Variants in ZNF577 observed in about 807,000 individuals in gnomAD.
The protein encoded by ZNF577 is zinc finger protein 577.
A neutral mutation model predicts 13.9 loss-of-function variants in ZNF577; 14 were observed. The observed-to-expected ratio is 1.00, with a 90% CI of 0.66 to 1.57. ZNF577 has a LOEUF of 1.57. Ranked by LOEUF, ZNF577 falls within the 40% of genes most tolerant of loss-of-function variation. ZNF577 has a pLI of 0.00. For synonymous variants in ZNF577, 203 were observed against 202.9 expected (o/e 1.00, Z 0.00); for missense variants, 555 against 579.2 (o/e 0.96, Z 0.43).
chr19:51,816,081 C>A (rs539094823), intron 9 of ZNF577, among the ~76,000 whole-genome samples: 1 of 148,974 alleles, frequency 6.7e-6, no homozygotes, highest in East Asian at 2.0e-4. Context: ...AAAAAAAAAA[C>A]CCTTGAGAAA....
At chr19:51,853,469 CTCTTTT>C (rs1255670498) in intron 5 of ZNF577, among the ~76,000 whole-genome samples, 3 of 152,172 alleles carry the variant, frequency 2.0e-5, no homozygotes, top group Admixed American at 2.0e-4. Context: ...TTTTCTCTTT[CTCTTTT>C]ACCTGCTGGA....
At chr19:51,860,880 T>G (rs1474486965) in intron 5 of ZNF577, 5 of 392,004 alleles carry the variant, frequency 1.3e-5, no homozygotes, top group Non-Finnish European at 2.4e-5. Context: ...CAAAGAGTTT[T>G]GACTTTCAGA....
chr19:51,872,791 A>C lies in ZNF577; in HGVS notation c.1199T>G (p.Met400Arg). ...PSSRSHTSLY[M>R]SELIQEQKTV... Reference sequence around the variant, plus strand: ...CTTTTGCTCTTGTATGAGTTCGCTCATGTATAAGGAGGTATGACTCCTTGA... The same window carrying C: ...CTTTTGCTCTTGTATGAGTTCGCTCCTGTATAAGGAGGTATGACTCCTTGA... Residue 400 changes from methionine to arginine, a missense_variant, in exon 6 of 6, where the codon ATG (methionine) becomes AGG (arginine). Physicochemically the swap from Met to Arg is moderately conservative, Grantham distance 91. Transcript: ENST00000638348. The C allele has an allele frequency of 6.2e-7, 1 of 1,614,220 alleles. No individual in the cohort carries two copies. Among genetic ancestry groups the C allele is most frequent in the Non-Finnish European group, 8.5e-7 (1 of 1,180,042 alleles).
intron 10 of ZNF577, among the ~76,000 whole-genome samples, chr19:51,808,052 T>C (rs1298783754): frequency 6.6e-6 from 1 of 152,248 alleles, no homozygotes; most frequent in Non-Finnish European, 1.5e-5. Context: ...TTTGTGGTTG[T>C]AGCCATGAGG....
At position 51,824,662 on chromosome 19, in the gene ZNF577, T is replaced by C; in HGVS notation, c.*600-12988A>G. 1 of 1,614,156 alleles carries C rather than the reference T, an allele frequency of 6.2e-7. No individual in the cohort carries two copies. Among genetic ancestry groups the C allele is most frequent in the South Asian group, 1.1e-5 (1 of 91,090 alleles). ...CTCAACCCAATTCTCTACGTCTTTA[T>C]GGGTCGTAACTTCCAAGAAAGACTG... On this transcript the variant is annotated intron_variant and NMD_transcript_variant, in intron 9 of 10. Transcript: ENST00000638827. The surrounding 1 kb of genome is among the most constrained non-coding windows in gnomAD (Gnocchi z 4.7).
chr19:51,857,025 G>T (rs6509578), intron 5 of ZNF577, among the ~76,000 whole-genome samples: 57,330 of 151,858 alleles, frequency 0.38, 11,950 homozygotes, highest in African/African-American at 0.55. Flanking sequence ...GGAAAGTCAA[G>T]AGAAATGTGT....
intron 10 of ZNF577, among the ~76,000 whole-genome samples, chr19:51,807,691 G>T (rs1035183395): frequency 6.6e-6 from 1 of 152,224 alleles, no homozygotes; most frequent in African/African-American, 2.4e-5. Flanking sequence ...AAGAATGAAA[G>T]AATGGATTTT....
At chr19:51,829,403 T>G (rs1034820464) in intron 9 of ZNF577, among the ~76,000 whole-genome samples, 6 of 151,692 alleles carry the variant, frequency 4.0e-5, no homozygotes, top group Admixed American at 1.3e-4. Context: ...GATGATTAAA[T>G]ACCAGGTTCC....
chr19:51,821,420 T>C (rs1009147822), intron 9 of ZNF577, among the ~76,000 whole-genome samples: 16 of 152,144 alleles, frequency 1.1e-4, no homozygotes, highest in Non-Finnish European at 2.1e-4. Flanking sequence ...CTAGCATCGG[T>C]GGATAGAGGC....
chr19:51,815,274 A>T (rs1332262929), intron 9 of ZNF577, among the ~76,000 whole-genome samples: 2 of 151,938 alleles, frequency 1.3e-5, no homozygotes, highest in African/African-American at 4.8e-5. Flanking sequence ...TCTATAAAAA[A>T]ATGTTGGCTG....
chr19:51,852,856 A>G (rs1287489100), intron 5 of ZNF577, among the ~76,000 whole-genome samples: 1 of 152,142 alleles, frequency 6.6e-6, no homozygotes, highest in African/African-American at 2.4e-5. Flanking sequence ...GAATGTTTTA[A>G]TAATTGTATA....
At chr19:51,813,154 ACACACACC>A (rs1156504110) in intron 9 of ZNF577, among the ~76,000 whole-genome samples, 2 of 148,386 alleles carry the variant, frequency 1.3e-5, no homozygotes, top group African/African-American at 5.2e-5. Context: ...ACACACACAC[ACACACACC>A]CCATAAATTT....
rs1659953367 is a variant in ZNF577 at position 51,870,607 on chromosome 19, C to G, written c.*1925G>C. 6.8e-6 allele frequency among the ~76,000 whole-genome samples: 1 copy of G among 147,082 alleles called. No individual in the cohort carries two copies. Among genetic ancestry groups the G allele is most frequent in the African/African-American group, 2.7e-5 (1 of 37,440 alleles). On this transcript the variant is annotated 3_prime_UTR_variant, in exon 6 of 6. Coordinates refer to ENST00000638348, the MANE Select transcript of ZNF577 (RefSeq NM_001370449.1). ...TCATTTCTTCCTGTTCTTCCTCCAG[C>G]CTAGGGGGGGTTTCTCACATACATA...
intron 9 of ZNF577, among the ~76,000 whole-genome samples, chr19:51,837,043 CAAAA>C (rs766829761): frequency 2.6e-5 from 2 of 77,862 alleles, no homozygotes; most frequent in Non-Finnish European, 2.6e-5. Flanking sequence ...GACTCTGTCT[CAAAA>C]AAAAAAAAAA....
chr19:51,879,851 T>C (rs889357542), intron 3 of ZNF577, among the ~76,000 whole-genome samples: 4 of 152,264 alleles, frequency 2.6e-5, no homozygotes, highest in Non-Finnish European at 4.4e-5. Context: ...TAATTAAACA[T>C]AGAAAAAGCA....
intron 1 of ZNF577, among the ~76,000 whole-genome samples, chr19:51,882,676 T>C (rs1342287221): frequency 1.3e-5 from 2 of 151,872 alleles, no homozygotes; most frequent in Non-Finnish European, 2.9e-5. Context: ...CCCAGGTACT[T>C]AGGACGGTGA....
In ZNF577 at chr19:51,873,624, C is replaced by T. The variant is rs200039595; in HGVS notation, c.366G>A (p.Lys122=). 2 of 1,614,186 alleles carry T rather than the reference C, an allele frequency of 1.2e-6. No homozygotes were observed. The highest frequency in any genetic ancestry group is 1.7e-6 in the Non-Finnish European group (2 of 1,180,034). Residue 122 remains lysine, a synonymous_variant, in exon 6 of 6, where the codon AAG becomes AAA. Transcript: ENST00000638348. ...TAACTCCAGTAAGAGTTTTGTCACG[C>T]TTGATATGGAGGCATGATCTCCCAT... ...GGYGRSCLHI[K]RDKTLTGVKY...
rs764805147 is a variant in ZNF577 at position 51,824,461 on chromosome 19, G to A, written c.*600-12787C>T. On this transcript the variant is annotated intron_variant and NMD_transcript_variant, in intron 9 of 10. Transcript: ENST00000638827. The surrounding 1 kb of genome is among the most constrained non-coding windows in gnomAD (Gnocchi z 4.7). ...AGAAACCACATGATTAAATCCAGCC[G>A]TCCCTTACGTGTCTTCGCTGCTGTG... The A allele has an allele frequency of 1.9e-5, 31 of 1,613,944 alleles. No individual in the cohort carries two copies. Among genetic ancestry groups the A allele is most frequent in the South Asian group, 3.3e-5 (3 of 91,082 alleles).
chr19:51,816,777 G>C (rs766580329), intron 9 of ZNF577, among the ~76,000 whole-genome samples: 1 of 152,160 alleles, frequency 6.6e-6, no homozygotes, highest in Non-Finnish European at 1.5e-5. Context: ...GCTATCTCCA[G>C]TTAGACAGCA....
Sources: allele counts gnomAD v4.1 joint callset (sites outside exome capture counted in the v4.1 genomes callset), GRCh38; gene constraint gnomAD v4.1.1; non-coding constraint Gnocchi (gnomAD v3.1); transcripts MANE v1.5; gene names NCBI Gene and HGNC (gene_info 2026-07-23, HGNC 2026-07-21).